The following TENM3 variants were observed in gnomAD, a reference collection of about 807,000 sequenced individuals.
TENM3 encodes teneurin-3.
A neutral mutation model predicts 255.1 loss-of-function variants in TENM3; 63 were observed. That is an observed-to-expected ratio of 0.25 (90% CI 0.20 to 0.30). The LOEUF (loss-of-function observed/expected upper bound fraction) is 0.30. Ranked by LOEUF, TENM3 falls within the 10% of genes least tolerant of loss-of-function variation. TENM3 has a pLI of 1.00. For missense variants in TENM3, 2,929 were observed against 3,461.1 expected (o/e 0.85, Z 3.86); for synonymous variants, 1,306 against 1,322.3 (o/e 0.99, Z 0.27).
the TENM3 span, among the ~76,000 whole-genome samples, chr4:181,734,646 C>A: frequency 6.6e-6 from 1 of 151,990 alleles, no homozygotes; most frequent in African/African-American, 2.4e-5. Flanking sequence ...TCAAGATTTT[C>A]CAAAGCACAG....
the TENM3 span, among the ~76,000 whole-genome samples, chr4:181,619,786 A>G: frequency 6.6e-6 from 1 of 152,056 alleles, no homozygotes; most frequent in Non-Finnish European, 1.5e-5. Flanking sequence ...TCTTCCAAAT[A>G]CAATTGATGG....
rs141968345 is a variant in TENM3, at chr4:182,228,358, ATGTG to A, written c.-76+83636_-76+83639del. Among the ~76,000 whole-genome samples, 55 of 108,772 alleles carry A rather than the reference ATGTG, an allele frequency of 5.1e-4. 3 individuals are homozygous for A. The highest frequency in any genetic ancestry group is 1.1e-3 in the East Asian group (5 of 4,750). 71.4% of individuals were successfully genotyped at this position (108,772 alleles called of 152,430 possible). On this transcript the variant is annotated intron_variant, in intron 1 of 2. Coordinates refer to the TENM3 transcript ENST00000512480. ...CCTTAAATATATATAATGTAATGTA[ATGTG>A]TGTGTGTGTGTGTGTGTGTGTGTGT...
intron 1 of TENM3, among the ~76,000 whole-genome samples, chr4:182,251,514 A>G (rs1758010875): frequency 6.6e-6 from 1 of 152,202 alleles, no homozygotes; most frequent in Non-Finnish European, 1.5e-5. Flanking sequence ...TACTGTTAAA[A>G]TGGAAAAGTG....
At chr4:181,733,360 G>A in the TENM3 span, among the ~76,000 whole-genome samples, 18 of 152,172 alleles carry the variant, frequency 1.2e-4, no homozygotes, top group Admixed American at 1.1e-3. Flanking sequence ...GAAAGACTTG[G>A]AAAGTTTGTA....
intron 13 of TENM3, among the ~76,000 whole-genome samples, chr4:182,725,351 A>G (rs1760078834): frequency 6.6e-6 from 1 of 152,054 alleles, no homozygotes. Context: ...GCCAGAAATG[A>G]TATTGGAGCA....
the TENM3 span, among the ~76,000 whole-genome samples, chr4:182,069,867 A>T: frequency 2.0e-5 from 3 of 152,154 alleles, no homozygotes; most frequent in Non-Finnish European, 2.9e-5. Flanking sequence ...TCTTCAAGGT[A>T]AGGACAGCCA....
At chr4:182,603,896 TTC>T (rs1036867151) in intron 4 of TENM3, among the ~76,000 whole-genome samples, 2 of 151,946 alleles carry the variant, frequency 1.3e-5, no homozygotes, top group African/African-American at 4.8e-5. Context: ...CTCTATATTT[TTC>T]TCTTAGTTCC....
At chr4:181,831,588 C>T in the TENM3 span, among the ~76,000 whole-genome samples, 32 of 150,838 alleles carry the variant, frequency 2.1e-4, 1 homozygote, top group South Asian at 8.4e-4. Context: ...AATAAGCTAT[C>T]TAGTCTTTTT....
At chr4:181,931,436 T>C in the TENM3 span, among the ~76,000 whole-genome samples, 1 of 151,900 alleles carries the variant, frequency 6.6e-6, no homozygotes, top group Non-Finnish European at 1.5e-5. Context: ...GAGAGTAAAA[T>C]ACCTAGGAAT....
At chr4:181,660,441 G>A in the TENM3 span, among the ~76,000 whole-genome samples, 1 of 152,100 alleles carries the variant, frequency 6.6e-6, no homozygotes, top group Non-Finnish European at 1.5e-5. Context: ...TTACCACTGA[G>A]AGCTTTTCTA....
the TENM3 span, among the ~76,000 whole-genome samples, chr4:181,850,323 T>G: frequency 3.3e-5 from 5 of 152,162 alleles, no homozygotes; most frequent in Admixed American, 1.3e-4. Flanking sequence ...AGATTAAATT[T>G]TAATAGCATA....
At chr4:182,039,083 C>T in the TENM3 span, among the ~76,000 whole-genome samples, 1 of 152,072 alleles carries the variant, frequency 6.6e-6, no homozygotes, top group Non-Finnish European at 1.5e-5. Context: ...TTTCTAGAAA[C>T]CCTAGAACAC....
the TENM3 span, among the ~76,000 whole-genome samples, chr4:182,122,475 G>A: frequency 6.6e-6 from 1 of 152,318 alleles, no homozygotes; most frequent in African/African-American, 2.4e-5. Flanking sequence ...ATTAGCAGGT[G>A]TGAATATCTG....
At chr4:181,999,545 G>C in the TENM3 span, among the ~76,000 whole-genome samples, 1 of 152,140 alleles carries the variant, frequency 6.6e-6, no homozygotes, top group Non-Finnish European at 1.5e-5. Context: ...GTGGAATAAA[G>C]TTAGTGTCAT....
chr4:182,641,335 A>T (rs1752288598), intron 5 of TENM3, among the ~76,000 whole-genome samples: 1 of 152,128 alleles, frequency 6.6e-6, no homozygotes, highest in Non-Finnish European at 1.5e-5. Flanking sequence ...TCTTCTAAGG[A>T]TCTCCATATT....
chr4:182,662,402 C>T (rs17326505), intron 6 of TENM3, among the ~76,000 whole-genome samples: 26,355 of 152,078 alleles, frequency 0.17, 2,395 homozygotes, highest in African/African-American at 0.19. Flanking sequence ...TGTTTGAAGA[C>T]GTGGTACGTT....
the TENM3 span, among the ~76,000 whole-genome samples, chr4:181,841,965 G>T: frequency 3.7e-4 from 57 of 152,134 alleles, no homozygotes; most frequent in Admixed American, 1.8e-3. Context: ...AAGTGGCCTT[G>T]ACTTATCATA....
intron 3 of TENM3, among the ~76,000 whole-genome samples, chr4:182,482,320 T>C (rs1250021869): frequency 6.6e-6 from 1 of 152,174 alleles, no homozygotes; most frequent in Non-Finnish European, 1.5e-5. Context: ...TAAACCTAGT[T>C]ATTAATATGC....
the TENM3 span, among the ~76,000 whole-genome samples, chr4:181,917,646 ACTT>A: frequency 6.9e-6 from 1 of 144,162 alleles, no homozygotes; most frequent in Non-Finnish European, 1.5e-5. Context: ...AGTTCCTCAG[ACTT>A]CTTTTTTTTT....
Sources: allele counts gnomAD v4.1 joint callset (sites outside exome capture counted in the v4.1 genomes callset), GRCh38; gene constraint gnomAD v4.1.1; transcripts MANE v1.5; gene names NCBI Gene and HGNC (gene_info 2026-07-23, HGNC 2026-07-21).